The following OLAH variants were observed in gnomAD, a reference collection of about 807,000 sequenced individuals.
The protein encoded by OLAH is S-acyl fatty acid synthase thioesterase, medium chain.
A neutral mutation model predicts 27.8 loss-of-function variants in OLAH; 33 were observed. That is an observed-to-expected ratio of 1.19 (90% CI 0.90 to 1.59). The LOEUF is 1.59. Ranked by LOEUF, OLAH falls within the 40% of genes most tolerant of loss-of-function variation. OLAH has a pLI of 0.00. For synonymous variants in OLAH, 120 were observed against 102.9 expected (o/e 1.17, Z -1.01); for missense variants, 359 against 310.8 (o/e 1.16, Z -1.17).
At chr10:15,038,411 C>T (rs1334644278) in intron 1 of OLAH, among the ~76,000 whole-genome samples, 2 of 152,146 alleles carry the variant, frequency 1.3e-5, no homozygotes, top group African/African-American at 2.4e-5. Flanking sequence ...TGGAATAATA[C>T]TGTATCCCCA....
At chr10:15,053,866 T>C (rs1844193234) in intron 3 of OLAH, among the ~76,000 whole-genome samples, 1 of 151,938 alleles carries the variant, frequency 6.6e-6, no homozygotes, top group Non-Finnish European at 1.5e-5. Context: ...AAGCATAAGC[T>C]ACCACGCTTG....
At chr10:15,034,452 A>G (rs1462905855) in intron 1 of OLAH, among the ~76,000 whole-genome samples, 2 of 152,136 alleles carry the variant, frequency 1.3e-5, no homozygotes, top group East Asian at 3.9e-4. Context: ...CTTTTTGAAC[A>G]TTATTAGAAC....
intron 6 of OLAH, among the ~76,000 whole-genome samples, chr10:15,067,307 C>T (rs1162046465): frequency 1.3e-5 from 2 of 152,210 alleles, no homozygotes; most frequent in East Asian, 1.9e-4. Context: ...AGACTGAAAC[C>T]CTGTGTCTTA....
chr10:15,037,770 A>C (rs1843863492), intron 1 of OLAH, among the ~76,000 whole-genome samples: 1 of 152,176 alleles, frequency 6.6e-6, no homozygotes, highest in Non-Finnish European at 1.5e-5. Flanking sequence ...AACTTGCCTG[A>C]ATTCTCTACG....
chr10:15,038,040 A>G (rs1843868311), intron 1 of OLAH, among the ~76,000 whole-genome samples: 1 of 152,234 alleles, frequency 6.6e-6, no homozygotes, highest in African/African-American at 2.4e-5. Context: ...CACTTCTTGC[A>G]TTAGTGTGAC....
At chr10:15,040,482 A>G (rs989456323), upstream of OLAH, among the ~76,000 whole-genome samples, 5 of 152,070 alleles carry the variant, frequency 3.3e-5, no homozygotes, top group East Asian at 1.9e-4. Flanking sequence ...TAATTGTCCA[A>G]TGATCTCTCC....
Position 15,047,752 on chromosome 10 carries a change from T to C in OLAH, c.32+432T>C, listed in dbSNP as rs541108277. 5.9e-5 allele frequency among the ~76,000 whole-genome samples: 9 copies of C among 152,248 alleles called. No homozygotes were observed. In the South Asian group the frequency reaches 1.9e-3, roughly 32 times the overall value. On this transcript the variant is annotated intron_variant, in intron 2 of 7. Coordinates refer to ENST00000378228, the MANE Select transcript of OLAH (RefSeq NM_001039702.3). ...TTGCCTTTATCTTTAAACTAGTAAT[T>C]ATTAACATAAGTGCCCAAGTAAAAA...
At chr10:15,034,922 T>C (rs1004102811) in intron 1 of OLAH, among the ~76,000 whole-genome samples, 11 of 151,456 alleles carry the variant, frequency 7.3e-5, no homozygotes, top group Non-Finnish European at 1.6e-4. Flanking sequence ...CTGCCTCAGC[T>C]TCCCGAGTAG....
At chr10:15,059,997 T>G (rs1291665987) in intron 3 of OLAH, among the ~76,000 whole-genome samples, 1 of 152,168 alleles carries the variant, frequency 6.6e-6, no homozygotes, top group Non-Finnish European at 1.5e-5. Context: ...ACTTTGTAAG[T>G]TTCAAATTTT....
intron 1 of OLAH, among the ~76,000 whole-genome samples, chr10:15,033,339 T>C (rs1304092716): frequency 6.6e-6 from 1 of 152,162 alleles, no homozygotes; most frequent in Non-Finnish European, 1.5e-5. Context: ...GGCAAATCCT[T>C]TGATGACTTC....
chr10:15,061,516 A>G (rs530369649), intron 3 of OLAH, among the ~76,000 whole-genome samples: 90 of 146,320 alleles, frequency 6.2e-4, no homozygotes, highest in African/African-American at 2.2e-3. Context: ...TGTTCCCTTT[A>G]TCTTATTGTG....
In OLAH at chr10:15,037,092, CAACA is replaced by C. The variant is rs557825361; in HGVS notation, c.-164+4759_-164+4762del. Among the ~76,000 whole-genome samples the C allele has an allele frequency of 2.5e-3, 375 of 150,744 alleles. 3 individuals carry two copies. The highest frequency in any genetic ancestry group is 5.1e-3 in the African/African-American group (211 of 41,020). On this transcript the variant is annotated intron_variant, in intron 1 of 3. Coordinates refer to the OLAH transcript ENST00000413672. Reference sequence around the variant, plus strand: ...AGACTGTGTCTCAAAATAAATAAATCAACAAACAAACAAACAAACAGTCTTGAAA... The same window carrying C: ...AGACTGTGTCTCAAAATAAATAAATCAACAAACAAACAAACAGTCTTGAAA...
intron 4 of OLAH, 151 bp from the exon 5 acceptor site, chr10:15,064,252 T>C (rs748278309): frequency 5.0e-6 from 3 of 601,658 alleles, no homozygotes; most frequent in Non-Finnish European, 8.7e-6. Flanking sequence ...TTTAAATCAC[T>C]GAAAAGATAG....
chr10:15,054,591 T>C (rs893571684), intron 3 of OLAH, among the ~76,000 whole-genome samples: 3 of 146,292 alleles, frequency 2.1e-5, no homozygotes, highest in Admixed American at 6.9e-5. Context: ...CTGGAACCTT[T>C]TCTGCCTTCT....
intron 6 of OLAH, 141 bp from the exon 7 acceptor site, chr10:15,071,654 T>C (rs1172841451): frequency 3.5e-6 from 5 of 1,415,318 alleles, no homozygotes; most frequent in African/African-American, 2.9e-5. Flanking sequence ...AGAAGTGCCA[T>C]TGGTGAAAAA....
At chr10:15,045,024 T>C (rs1486405880) in intron 1 of OLAH, among the ~76,000 whole-genome samples, 1 of 152,170 alleles carries the variant, frequency 6.6e-6, no homozygotes, top group Non-Finnish European at 1.5e-5. Context: ...CTCCCTCTTC[T>C]CTCGTCTGGT....
chr10:15,033,488 G>A (rs539773263), intron 1 of OLAH, among the ~76,000 whole-genome samples: 2 of 152,166 alleles, frequency 1.3e-5, no homozygotes, highest in Admixed American at 6.5e-5. Flanking sequence ...GAAGAAAAAG[G>A]AGAAGAAAGA....
intron 1 of OLAH, among the ~76,000 whole-genome samples, chr10:15,044,787 C>T (rs768796853): frequency 2.0e-5 from 3 of 152,132 alleles, no homozygotes; most frequent in Non-Finnish European, 2.9e-5. Context: ...TTTTGCATTG[C>T]TGTGAGTCCA....
At chr10:15,033,024 C>A (rs1211489723) in intron 1 of OLAH, among the ~76,000 whole-genome samples, 1 of 150,180 alleles carries the variant, frequency 6.7e-6, no homozygotes, top group African/African-American at 2.5e-5. Context: ...AGGTGCCCAC[C>A]ACCACAGTGG....
Sources: gnomAD v4.1 joint callset for allele counts (sites outside exome capture counted in the v4.1 genomes callset) on GRCh38, gnomAD v4.1.1 for gene constraint, MANE v1.5 for transcripts, NCBI Gene and HGNC (gene_info 2026-07-23, HGNC 2026-07-21) for gene names.